Variants in NBEAL1 observed in about 807,000 individuals in gnomAD.
NBEAL1 encodes the protein neurobeachin like 1.
In NBEAL1, 273 loss-of-function variants were observed where a neutral mutation model predicts 351.3. The observed-to-expected ratio is 0.78, with a 90% CI of 0.70 to 0.86. The LOEUF is 0.86. NBEAL1 is among the 40% of genes least tolerant of loss of function. The pLI, the probability that NBEAL1 is intolerant of heterozygous loss-of-function variation, is 0.00. For synonymous variants in NBEAL1, 1,050 were observed against 1,086.4 expected, an observed-to-expected ratio of 0.97 and a Z score of 0.66; for missense variants, 2,961 against 3,201.3, an observed-to-expected ratio of 0.92 and a Z score of 1.81.
chr2:203,108,240 C>T (rs974886916), intron 14 of NBEAL1, 52 bp downstream of exon 14: 4 of 1,329,578 alleles, frequency 3.0e-6, no homozygotes, highest in African/African-American at 1.5e-5. Flanking sequence ...ACAATATATG[C>T]TGTGATTCTT....
chr2:203,034,723 G>A (rs1441933542), intron 2 of NBEAL1, among the ~76,000 whole-genome samples: 1 of 148,462 alleles, frequency 6.7e-6, no homozygotes, highest in Non-Finnish European at 1.5e-5. Flanking sequence ...CAAAGTGTTG[G>A]GATTACAGGC....
At chr2:203,175,569 T>G (rs575142336) in intron 42 of NBEAL1, among the ~76,000 whole-genome samples, 15 of 152,314 alleles carry the variant, frequency 9.8e-5, no homozygotes, top group Admixed American at 9.2e-4. Context: ...GAGCTAAATC[T>G]AAGGCATCAC....
At chr2:203,197,877 C>T (rs2065282754) in intron 48 of NBEAL1, among the ~76,000 whole-genome samples, 4 of 151,928 alleles carry the variant, frequency 2.6e-5, no homozygotes, top group South Asian at 4.2e-4. Flanking sequence ...CCACTGCACT[C>T]CAGCCTGGGT....
At chr2:203,066,303 A>G (rs552932657) in intron 6 of NBEAL1, among the ~76,000 whole-genome samples, 142 of 150,492 alleles carry the variant, frequency 9.4e-4, no homozygotes, top group African/African-American at 3.4e-3. Context: ...ACCTAACTGA[A>G]AGCTAAATTA....
intron 26 of NBEAL1, among the ~76,000 whole-genome samples, chr2:203,132,568 T>C (rs1054241041): frequency 6.6e-6 from 1 of 152,174 alleles, no homozygotes; most frequent in African/African-American, 2.4e-5. Context: ...TAGTGACAGG[T>C]GTGATCATAG....
At chr2:203,016,109 T>A (rs964977836) in intron 1 of NBEAL1, 47 bp from the exon 2 acceptor site, 2 of 288,696 alleles carry the variant, frequency 6.9e-6, no homozygotes, top group African/African-American at 4.4e-5. Context: ...CTAGATTTTT[T>A]AGTATGGCCT....
intron 35 of NBEAL1, among the ~76,000 whole-genome samples, chr2:203,152,040 C>G (rs2063668778): frequency 6.6e-6 from 1 of 151,980 alleles, no homozygotes; most frequent in Non-Finnish European, 1.5e-5. Context: ...TCACTGCAAC[C>G]TCTGCTTCCA....
At chr2:203,105,016 C>T (rs999477156) in intron 12 of NBEAL1, among the ~76,000 whole-genome samples, 5 of 151,838 alleles carry the variant, frequency 3.3e-5, no homozygotes, top group Admixed American at 2.6e-4. Context: ...CTTGCCACCA[C>T]GCCTGGCTAA....
At position 203,138,688 on chromosome 2, in the gene NBEAL1, A is replaced by G. The variant is rs752907199; in HGVS notation, c.4788A>G (p.Val1596=). 1.2e-6 allele frequency: 2 copies of G among 1,613,446 alleles called. No individual in the cohort carries two copies. The highest frequency in any genetic ancestry group is 1.7e-6 in the Non-Finnish European group (2 of 1,179,760). The change falls in exon 31 of 56, where the codon GTA becomes GTG. Residue 1596 remains valine, a synonymous_variant. Coordinates refer to ENST00000683969, the MANE Select transcript of NBEAL1 (RefSeq NM_001378026.1). The stretch of plus-strand genomic sequence containing the variant: ...GCTATTCTGAAAGTCCAGTATGGGT[A>G]AAACTCTCTCAAATTCAGATCCAGT... ...SVCYSESPVW[V]KLSQIQIQLL...
chr2:203,200,851 T>G (rs947071624), intron 49 of NBEAL1, among the ~76,000 whole-genome samples: 2 of 152,100 alleles, frequency 1.3e-5, no homozygotes, highest in Non-Finnish European at 2.9e-5. Flanking sequence ...AAGGAAAATG[T>G]TTTTTTTCCT....
intron 8 of NBEAL1, among the ~76,000 whole-genome samples, chr2:203,078,287 A>T (rs1445047659): frequency 6.6e-6 from 1 of 152,168 alleles, no homozygotes; most frequent in East Asian, 1.9e-4. Context: ...AAATTTACAA[A>T]AAAGAATTTC....
intron 19 of NBEAL1, among the ~76,000 whole-genome samples, chr2:203,123,253 T>C (rs994879427): frequency 6.6e-6 from 1 of 151,978 alleles, no homozygotes; most frequent in Non-Finnish European, 1.5e-5. Context: ...CAATTAGTGT[T>C]AATTTCATGT....
chr2:203,152,819 T>C (rs2063693535), intron 35 of NBEAL1, among the ~76,000 whole-genome samples: 1 of 151,796 alleles, frequency 6.6e-6, no homozygotes, highest in African/African-American at 2.4e-5. Context: ...GCAGATCACC[T>C]GAGGTCAGGA....
rs1259443069 is a variant in NBEAL1 at position 203,218,076 on chromosome 2, AGTAGCATTT to A, written c.*724_*732del. On this transcript the variant is annotated 3_prime_UTR_variant, in exon 56 of 56. Coordinates refer to ENST00000683969, the MANE Select transcript of NBEAL1 (RefSeq NM_001378026.1). ...GTGATTTTGACAGTTGGGCCTTTTAAGTAGCATTTGCAGCACAATTTGCATTTGCAAAGT... is the reference window on the plus strand; with the variant it reads ...GTGATTTTGACAGTTGGGCCTTTTAAGCAGCACAATTTGCATTTGCAAAGT... 4.8e-6 allele frequency: 2 copies of A among 417,834 alleles called. No individual in the cohort carries two copies. Among genetic ancestry groups the A allele is most frequent in the African/African-American group, 4.3e-5 (2 of 46,336 alleles). The allele number at this position is 417,834 out of a possible 1,614,324, so 25.9% of individuals were successfully genotyped here. A position where few individuals can be genotyped will look rare whatever the true frequency, so the allele number is the denominator to read the frequency against.
chr2:203,197,465 T>C (rs1210491977), intron 48 of NBEAL1, 74 bp downstream of exon 48: 3 of 1,139,622 alleles, frequency 2.6e-6, no homozygotes, highest in Non-Finnish European at 3.9e-6. Context: ...AGGAAATAAA[T>C]ATTTTTTAAA....
chr2:203,199,832 C>T (rs573160150), intron 49 of NBEAL1, among the ~76,000 whole-genome samples: 30 of 152,168 alleles, frequency 2.0e-4, no homozygotes, highest in Admixed American at 6.5e-4. Flanking sequence ...TCCATTCCCT[C>T]CCCAACCTTC....
intron 18 of NBEAL1, among the ~76,000 whole-genome samples, chr2:203,120,041 T>C (rs2062794731): frequency 6.6e-6 from 1 of 152,126 alleles, no homozygotes; most frequent in South Asian, 2.1e-4. Flanking sequence ...GATAAATAAA[T>C]AAAAGTCTCT....
chr2:203,208,684 T>C lies in NBEAL1; in HGVS notation c.7554T>C (p.Tyr2518=). 1 of 1,612,858 alleles carries C rather than the reference T, an allele frequency of 6.2e-7. No homozygotes were observed. The part of the protein sequence containing the change: ...GLASKPFQIL[Y]GHTNEVLSVG... ...CATCTAAACCTTTTCAGATTCTTTA[T>C]GGACACACCAACGAGGTACTGAGTG... The change falls in exon 52 of 56, where the codon TAT becomes TAC. Residue 2518 remains tyrosine (Y), a synonymous_variant. Transcript: ENST00000683969.
intron 2 of NBEAL1, among the ~76,000 whole-genome samples, chr2:203,017,735 A>G (rs1052548056): frequency 1.3e-5 from 2 of 152,098 alleles, no homozygotes; most frequent in Non-Finnish European, 2.9e-5. Context: ...CATTCTTTTT[A>G]GGTATATTTA....
Sources: allele counts gnomAD v4.1 joint callset (sites outside exome capture counted in the v4.1 genomes callset), GRCh38; gene constraint gnomAD v4.1.1; transcripts MANE v1.5; gene names NCBI Gene and HGNC (gene_info 2026-07-23, HGNC 2026-07-21).